Variants in DROSHA observed in about 807,000 individuals in gnomAD.
The protein encoded by DROSHA is drosha ribonuclease III, also known as ribonuclease 3.
In DROSHA, 56 loss-of-function variants were observed where a neutral mutation model predicts 181.9. The observed-to-expected ratio is 0.31, with a 90% confidence interval of 0.25 to 0.38. The LOEUF (loss-of-function observed/expected upper bound fraction) is 0.38, where lower values mean the gene tolerates loss of function less well. Ranked by LOEUF, DROSHA falls within the 10% of genes least tolerant of loss-of-function variation. DROSHA has a pLI of 1.00. For synonymous variants in DROSHA, 524 were observed against 591.2 expected (o/e 0.89, Z 1.65); for missense variants, 1,218 against 1,743.5 (o/e 0.70, Z 5.37).
intron 34 of DROSHA, 94 bp downstream of exon 34, chr5:31,406,757 TAA>T: frequency 1.8e-6 from 2 of 1,134,936 alleles, no homozygotes; most frequent in Non-Finnish European, 2.6e-6. Context: ...TTCTCTGAGT[TAA>T]AAAAGACAGA....
chr5:31,527,057 A>G (rs1740681577), intron 4 of DROSHA, 145 bp from the exon 5 acceptor site: 1 of 713,112 alleles, frequency 1.4e-6, no homozygotes, highest in Non-Finnish European at 2.3e-6. Context: ...CCCATTTAAT[A>G]CTGGGTTCCT....
In DROSHA at chr5:31,530,786, T is replaced by C. The variant is rs1741216684; in HGVS notation, c.-47+12A>G. ...AGACTTAGTCTATACTTAATCCTTT[T>C]ACAGCACTTACCAGAGACTGCCTCA... On this transcript the variant is annotated intron_variant, in intron 3 of 35. Transcript: ENST00000344624. 5.0e-6 allele frequency: 2 copies of C among 398,542 alleles called. No individual in the cohort carries two copies. The highest frequency in any genetic ancestry group is 8.8e-6 in the Non-Finnish European group (2 of 226,048). 24.7% of individuals were successfully genotyped at this position (398,542 alleles called of 1,614,324 possible). A position where few individuals can be genotyped will look rare whatever the true frequency, so the allele number is the denominator to read the frequency against.
intron 21 of DROSHA, among the ~76,000 whole-genome samples, chr5:31,449,649 C>A (rs1746725199): frequency 6.6e-6 from 1 of 152,064 alleles, no homozygotes; most frequent in South Asian, 2.1e-4. Context: ...ATCACTTGAG[C>A]CCAGGAGGTC....
intron 25 of DROSHA, among the ~76,000 whole-genome samples, chr5:31,432,724 T>C (rs2150002979): frequency 6.6e-6 from 1 of 152,268 alleles, no homozygotes; most frequent in East Asian, 1.9e-4. Context: ...CAGTTGTAGG[T>C]GTAGGGCTGA....
intron 30 of DROSHA, among the ~76,000 whole-genome samples, chr5:31,417,289 A>G (rs1441043110): frequency 3.9e-5 from 6 of 152,236 alleles, no homozygotes; most frequent in Non-Finnish European, 8.8e-5. Context: ...CATACAGGCC[A>G]ATGTGAAGAG....
chr5:31,437,091 C>T (rs963591258), intron 24 of DROSHA, 148 bp downstream of exon 24: 18 of 823,354 alleles, frequency 2.2e-5, no homozygotes, highest in East Asian at 1.3e-4. Context: ...GGGCCACAGA[C>T]ATGTGGCTTC....
chr5:31,498,982 G>A (rs1194541288), intron 11 of DROSHA, among the ~76,000 whole-genome samples: 1 of 152,186 alleles, frequency 6.6e-6, no homozygotes, highest in Non-Finnish European at 1.5e-5. Context: ...GCAGACCCAC[G>A]TTCAAGGAGG....
chr5:31,488,263 A>G (rs1412232245), intron 13 of DROSHA, among the ~76,000 whole-genome samples: 1 of 151,990 alleles, frequency 6.6e-6, no homozygotes, highest in Non-Finnish European at 1.5e-5. Flanking sequence ...CTAAAAATAC[A>G]AAAATTAGCT....
intron 29 of DROSHA, chr5:31,421,932 G>GTGTGTGTGTGTGTGTGTGTA (rs1554020895): frequency 4.6e-5 from 5 of 108,514 alleles, no homozygotes; most frequent in African/African-American, 2.3e-4. Context: ...GTGTGTGTGT[G>GTGTGTGTGTGTGTGTGTGTA]TATATAAATT....
chr5:31,497,608 T>A (rs1753146953), intron 11 of DROSHA, among the ~76,000 whole-genome samples: 1 of 152,244 alleles, frequency 6.6e-6, no homozygotes, highest in African/African-American at 2.4e-5. Context: ...AAACTGCCAG[T>A]CCCACTGTGG....
chr5:31,423,877 C>T (rs565041920), intron 28 of DROSHA, among the ~76,000 whole-genome samples: 1 of 152,168 alleles, frequency 6.6e-6, no homozygotes, highest in South Asian at 2.1e-4. Flanking sequence ...GTGCCACCAC[C>T]ATATGTAGAG....
chr5:31,488,648 T>C (rs531569829), intron 13 of DROSHA, among the ~76,000 whole-genome samples: 3 of 152,168 alleles, frequency 2.0e-5, no homozygotes, highest in Non-Finnish European at 2.9e-5. Flanking sequence ...GGTCAGGGCT[T>C]ATGGATATAT....
At chr5:31,521,503 T>C (rs1739896356) in intron 5 of DROSHA, among the ~76,000 whole-genome samples, 1 of 152,230 alleles carries the variant, frequency 6.6e-6, no homozygotes, top group Admixed American at 6.5e-5. Context: ...CTTAAAACCT[T>C]GCAATCAGCC....
At chr5:31,493,148 A>C in intron 13 of DROSHA, 59 bp downstream of exon 13, 1 of 1,507,356 alleles carries the variant, frequency 6.6e-7, no homozygotes, top group Non-Finnish European at 9.0e-7. Flanking sequence ...TGACTTTTGG[A>C]AAGAAGGGAT....
intron 20 of DROSHA, among the ~76,000 whole-genome samples, chr5:31,455,511 T>A (rs534092028): frequency 6.6e-6 from 1 of 151,826 alleles, no homozygotes; most frequent in Non-Finnish European, 1.5e-5. Context: ...CCTGAAAAAA[T>A]TAACTGAAAA....
At chr5:31,530,260 A>C (rs1006645531) in intron 3 of DROSHA, among the ~76,000 whole-genome samples, 2 of 152,060 alleles carry the variant, frequency 1.3e-5, no homozygotes, top group African/African-American at 4.8e-5. Context: ...AGCTGGAACT[A>C]CAGGCGTGAG....
chr5:31,437,307 G>A lies in DROSHA; in HGVS notation c.2883-9C>T, dbSNP rs1744970416. 6.4e-7 allele frequency: 1 copy of A among 1,564,028 alleles called. No homozygotes were observed. Among genetic ancestry groups the A allele is most frequent in the Admixed American group, 1.9e-5 (1 of 53,118 alleles). The stretch of plus-strand genomic sequence containing the variant: ...GTTCATTGTGGTTAATCCTACAATA[G>A]GAATTAAAAAGGTTACTTAATACAG... On this transcript the variant is annotated splice_polypyrimidine_tract_variant and intron_variant, in intron 23 of 35. Coordinates refer to ENST00000344624, the MANE Select transcript of DROSHA (RefSeq NM_001382508.1).
chr5:31,458,083 C>G (rs1747881610), intron 20 of DROSHA, among the ~76,000 whole-genome samples: 1 of 152,186 alleles, frequency 6.6e-6, no homozygotes, highest in South Asian at 2.1e-4. Flanking sequence ...AATGGTAAGA[C>G]TTACGATTTT....
In DROSHA at chr5:31,455,641, CTTT is replaced by C. The variant is rs57423740; in HGVS notation, c.2575-4004_2575-4002del. On this transcript the variant is annotated intron_variant, in intron 20 of 35. Transcript: ENST00000344624. ...CACTTAAACTCATATTGTTATCACACTTTTTTTTTTTTTTTTTGAGACGGGGTC... is the reference window on the plus strand; with the variant it reads ...CACTTAAACTCATATTGTTATCACACTTTTTTTTTTTTTTGAGACGGGGTC... Among the ~76,000 whole-genome samples the C allele has an allele frequency of 5.2e-3, 725 of 139,300 alleles. 4 individuals are homozygous for C. Among genetic ancestry groups the C allele is most frequent in the African/African-American group, 0.018 (685 of 38,130 alleles). 91.4% of individuals were successfully genotyped at this position (139,300 alleles called of 152,430 possible).
Sources: gnomAD v4.1 joint callset for allele counts (sites outside exome capture counted in the v4.1 genomes callset) on GRCh38, gnomAD v4.1.1 for gene constraint, MANE v1.5 for transcripts, NCBI Gene and HGNC (gene_info 2026-07-23, HGNC 2026-07-21) for gene names.